The following ZC3H12B variants were observed in gnomAD, a reference collection of about 807,000 sequenced individuals.
ZC3H12B encodes the protein probable ribonuclease ZC3H12B.
In ZC3H12B, 7 loss-of-function variants were observed where a neutral mutation model predicts 43.9. The observed-to-expected ratio is 0.16, with a 90% CI of 0.09 to 0.30. The LOEUF is 0.30. Among genes scored for constraint, ZC3H12B ranks in the 10% least tolerant of loss-of-function variants. ZC3H12B has a pLI of 1.00. For synonymous variants in ZC3H12B, 222 were observed against 241.7 expected, an observed-to-expected ratio of 0.92 and a Z score of 0.76; for missense variants, 475 against 670.2, an observed-to-expected ratio of 0.71 and a Z score of 3.22.
At chrX:65,290,916 T>TA in the ZC3H12B span, among the ~76,000 whole-genome samples, 2 of 110,916 alleles carry the variant, frequency 1.8e-5, no homozygotes, top group Non-Finnish European at 3.8e-5. Context: ...TAAAGTAAGA[T>TA]AAAAGGAATA....
chrX:65,248,518 G>T, the ZC3H12B span, among the ~76,000 whole-genome samples: 3 of 112,043 alleles, frequency 2.7e-5, no homozygotes, highest in Non-Finnish European at 5.6e-5. Context: ...CAGTGCTTAT[G>T]ATACTGGCAC....
In ZC3H12B at chrX:65,451,675, C is replaced by A. The variant is rs2067515234; in HGVS notation, n.408-36971C>A. ...ATTGTTATATATGAAAAAGCAGCTA[C>A]CTCTTCTAGTCTTTATGGGATGTCT... On this transcript the variant is annotated intron_variant and non_coding_transcript_variant, in intron 3 of 5. Coordinates refer to the ZC3H12B transcript ENST00000617377. 2.7e-5 allele frequency among the ~76,000 whole-genome samples: 3 copies of A among 111,684 alleles called. No homozygotes were observed. In the South Asian group the frequency reaches 1.1e-3, roughly 41 times the overall value.
At chrX:65,227,712 T>A in the ZC3H12B span, among the ~76,000 whole-genome samples, 1 of 110,411 alleles carries the variant, frequency 9.1e-6, no homozygotes, top group Admixed American at 9.6e-5. Flanking sequence ...TCACCACCGA[T>A]CCCACAGAAA....
At chrX:65,458,765 C>T (rs2067678533) in intron 3 of ZC3H12B, among the ~76,000 whole-genome samples, 2 of 111,339 alleles carry the variant, frequency 1.8e-5, no homozygotes, top group Admixed American at 1.9e-4. Context: ...CAGGAAGGAT[C>T]GAAAATTGAC....
the ZC3H12B span, among the ~76,000 whole-genome samples, chrX:65,282,916 C>T: frequency 9.0e-6 from 1 of 111,554 alleles, no homozygotes; most frequent in Non-Finnish European, 1.9e-5. Flanking sequence ...TGATACTATT[C>T]CTTCTGAAAC....
chrX:65,155,123 C>CT, the ZC3H12B span, among the ~76,000 whole-genome samples: 2 of 110,083 alleles, frequency 1.8e-5, no homozygotes, highest in East Asian at 2.9e-4. Context: ...AACCTGGCCA[C>CT]TTTTTTGTAT....
At chrX:65,453,835 T>C (rs998461816) in intron 3 of ZC3H12B, among the ~76,000 whole-genome samples, 1 of 111,902 alleles carries the variant, frequency 8.9e-6, no homozygotes, top group Admixed American at 9.5e-5. Flanking sequence ...AAACATCATA[T>C]GTTCTCACTC....
chrX:65,214,182 A>T, the ZC3H12B span, among the ~76,000 whole-genome samples: 5 of 111,170 alleles, frequency 4.5e-5, no homozygotes, highest in Non-Finnish European at 9.4e-5. Flanking sequence ...GATCAGGGTG[A>T]CTGATAAGGG....
exon 5 of ZC3H12B, chrX:65,503,273 A>G (rs1602547130): frequency 1.1e-6 from 1 of 898,725 alleles, no homozygotes. Flanking sequence ...CACTAATACA[A>G]TAATTATAGT....
intron 2 of ZC3H12B, among the ~76,000 whole-genome samples, chrX:65,381,979 A>G (rs1208716980): frequency 1.8e-5 from 2 of 112,011 alleles, no homozygotes; most frequent in Non-Finnish European, 3.8e-5. Flanking sequence ...CCAACGATAA[A>G]GAGTCCAGGA....
chrX:65,505,473 AC>A (rs1296593242), exon 5 of ZC3H12B: 2 of 112,690 alleles, frequency 1.8e-5, no homozygotes, highest in African/African-American at 3.2e-5. Context: ...ATCTTCGTAT[AC>A]CCCAGCATAT....
chrX:65,370,801 G>C (rs1362997551), intron 2 of ZC3H12B, among the ~76,000 whole-genome samples: 1 of 111,781 alleles, frequency 8.9e-6, no homozygotes, highest in Non-Finnish European at 1.9e-5. Flanking sequence ...TAAAATCTTG[G>C]CTCAAAGCAG....
the ZC3H12B span, among the ~76,000 whole-genome samples, chrX:65,266,759 T>C: frequency 9.0e-6 from 1 of 111,373 alleles, no homozygotes; most frequent in Non-Finnish European, 1.9e-5. Context: ...TGGCAACTAC[T>C]TGACCAGTGC....
chrX:65,420,813 C>T (rs2067009292), intron 3 of ZC3H12B, among the ~76,000 whole-genome samples: 1 of 112,102 alleles, frequency 8.9e-6, no homozygotes. Context: ...ATAAGCTTAA[C>T]CAGGTGGTAA....
At chrX:65,238,660 T>C in the ZC3H12B span, among the ~76,000 whole-genome samples, 2 of 111,749 alleles carry the variant, frequency 1.8e-5, no homozygotes, top group Non-Finnish European at 3.8e-5. Context: ...AATTTTCTAG[T>C]TCTTTTAGTT....
chrX:65,500,276 A>G (rs1455121562), intron 4 of ZC3H12B, among the ~76,000 whole-genome samples: 1 of 112,703 alleles, frequency 8.9e-6, no homozygotes, highest in East Asian at 2.8e-4. Flanking sequence ...GGAAGCAGGG[A>G]AATGAAGAAA....
intron 3 of ZC3H12B, among the ~76,000 whole-genome samples, chrX:65,407,152 T>C (rs113676811): frequency 1.1e-4 from 12 of 108,906 alleles, no homozygotes; most frequent in East Asian, 8.8e-4. Flanking sequence ...GAAAGAAGAC[T>C]GAGGAAGAAA....
intron 2 of ZC3H12B, 129 bp downstream of exon 7, chrX:65,497,400 T>C (rs1355445316): frequency 1.6e-6 from 1 of 610,558 alleles, no homozygotes; most frequent in East Asian, 4.1e-5. Context: ...TTATTAAGCA[T>C]ATATTTGAAA....
chrX:65,335,001 CGTGCAGAGA>C, the ZC3H12B span, among the ~76,000 whole-genome samples: 7 of 111,550 alleles, frequency 6.3e-5, no homozygotes, highest in Non-Finnish European at 1.3e-4. Flanking sequence ...CTGATCCGAA[CGTGCAGAGA>C]GTGGAGTATT....
Sources: gnomAD v4.1 joint callset for allele counts (sites outside exome capture counted in the v4.1 genomes callset) on GRCh38, gnomAD v4.1.1 for gene constraint, MANE v1.5 for transcripts, NCBI Gene and HGNC (gene_info 2026-07-23, HGNC 2026-07-21) for gene names.